CCDC141: variants seen among roughly 807,000 people sequenced by gnomAD.
CCDC141 encodes coiled-coil domain containing 141.
In CCDC141, 168 loss-of-function variants were observed where a neutral mutation model predicts 181.0. That is an observed-to-expected ratio of 0.93 (90% CI 0.82 to 1.05). The LOEUF (loss-of-function observed/expected upper bound fraction) is 1.05, where lower values mean the gene tolerates loss of function less well. Ranked by LOEUF, CCDC141 falls within the 50% of genes least tolerant of loss-of-function variation. The pLI, the probability that CCDC141 is intolerant of heterozygous loss-of-function variation, is 0.00. For missense variants in CCDC141, 1,902 were observed against 1,788.5 expected (o/e 1.06, Z -1.14); for synonymous variants, 666 against 642.3 (o/e 1.04, Z -0.56).
chr2:178,901,164 C>T (rs905365246), intron 8 of CCDC141, among the ~76,000 whole-genome samples: 11 of 151,932 alleles, frequency 7.2e-5, no homozygotes, highest in Non-Finnish European at 1.0e-4. Flanking sequence ...TCTCCCCATG[C>T]GTGGCCAGAG....
At chr2:178,990,098 C>T (rs982136238) in intron 2 of CCDC141, among the ~76,000 whole-genome samples, 1 of 146,406 alleles carries the variant, frequency 6.8e-6, no homozygotes. Flanking sequence ...GAGATTGCAC[C>T]GTTGCACTCA....
intron 4 of CCDC141, among the ~76,000 whole-genome samples, chr2:178,969,603 T>G (rs1448362202): frequency 1.3e-5 from 2 of 152,112 alleles, no homozygotes; most frequent in African/African-American, 2.4e-5. Context: ...CTCAATAAAC[T>G]AGGTATCAAT....
chr2:179,027,497 T>A (rs2042880934), intron 2 of CCDC141, among the ~76,000 whole-genome samples: 1 of 151,180 alleles, frequency 6.6e-6, no homozygotes, highest in Admixed American at 6.6e-5. Context: ...ACAAAAAAAA[T>A]AGCTGGGCAT....
the CCDC141 span, among the ~76,000 whole-genome samples, chr2:178,815,545 TG>T: frequency 0.015 from 2,294 of 152,296 alleles, 61 homozygotes; most frequent in African/African-American, 0.052. Flanking sequence ...GATTGTGATT[TG>T]GGGACACTTG....
At chr2:178,817,546 C>T in the CCDC141 span, 1 of 471,066 alleles carries the variant, frequency 2.1e-6, no homozygotes, top group Non-Finnish European at 4.4e-6. Context: ...CCAGGTACCA[C>T]TTAGAAGTCA....
chr2:178,900,472 G>A (rs1223391673), intron 8 of CCDC141, among the ~76,000 whole-genome samples: 2 of 152,068 alleles, frequency 1.3e-5, no homozygotes, highest in Non-Finnish European at 2.9e-5. Flanking sequence ...TCCTGTTTAT[G>A]AAATGAAGAT....
chr2:178,932,565 A>C (rs1455979407), intron 6 of CCDC141, among the ~76,000 whole-genome samples: 1 of 152,226 alleles, frequency 6.6e-6, no homozygotes, highest in Non-Finnish European at 1.5e-5. Context: ...TAATTGGAAA[A>C]AAATCATTGA....
At chr2:179,044,709 T>G (rs1385670361) in intron 2 of CCDC141, among the ~76,000 whole-genome samples, 2 of 152,164 alleles carry the variant, frequency 1.3e-5, no homozygotes, top group Non-Finnish European at 2.9e-5. Flanking sequence ...GCAGAAACAG[T>G]TGGCAGGTGC....
At chr2:178,930,386 G>T (rs923548888) in intron 6 of CCDC141, among the ~76,000 whole-genome samples, 3 of 152,094 alleles carry the variant, frequency 2.0e-5, no homozygotes, top group African/African-American at 7.2e-5. Flanking sequence ...ACTCCCCAAA[G>T]TACTGTAGGG....
intron 2 of CCDC141, among the ~76,000 whole-genome samples, chr2:179,037,266 G>A (rs1490619834): frequency 6.6e-6 from 1 of 152,174 alleles, no homozygotes; most frequent in African/African-American, 2.4e-5. Flanking sequence ...AGATATAAGT[G>A]GAAACATCTT....
chr2:178,856,178 A>G, intron 18 of CCDC141, 79 bp downstream of exon 18: 1 of 1,310,024 alleles, frequency 7.6e-7, no homozygotes. Flanking sequence ...TCTAGATTTG[A>G]AATTCAAAAC....
intron 2 of CCDC141, among the ~76,000 whole-genome samples, chr2:179,003,356 G>A (rs1315051278): frequency 6.6e-6 from 1 of 152,104 alleles, no homozygotes; most frequent in African/African-American, 2.4e-5. Context: ...ACCAGACCCT[G>A]GAGTCCACAT....
At chr2:178,909,639 T>C (rs1332545818) in intron 7 of CCDC141, among the ~76,000 whole-genome samples, 1 of 152,188 alleles carries the variant, frequency 6.6e-6, no homozygotes, top group Non-Finnish European at 1.5e-5. Flanking sequence ...CCAGAAATGA[T>C]CTAAGTATCA....
intron 4 of CCDC141, among the ~76,000 whole-genome samples, chr2:178,970,260 G>T (rs904499930): frequency 6.6e-6 from 1 of 152,088 alleles, no homozygotes; most frequent in Non-Finnish European, 1.5e-5. Context: ...TCACAGAATT[G>T]GAAAAACTAC....
At chr2:178,835,468 C>A (rs952367953) in intron 23 of CCDC141, among the ~76,000 whole-genome samples, 2 of 152,148 alleles carry the variant, frequency 1.3e-5, no homozygotes, top group Non-Finnish European at 2.9e-5. Context: ...TTTATTTCTA[C>A]CCACAATCTA....
chr2:178,978,493 AT>A lies in CCDC141; in HGVS notation c.407del (p.Asn136MetfsTer3). Reference sequence around the variant, plus strand: ...TTTTTAAAGTACAAACCTCTAAGGCATTTTCAAAAAATTCAGAAGTCAACCT... The same window carrying A: ...TTTTTAAAGTACAAACCTCTAAGGCATTTCAAAAAATTCAGAAGTCAACCT... ...LLRLTSEFFENALEFAIKIDQ... is the reference protein window; with the variant it reads ...LLRLTSEFFEXALEFAIKIDQ... On this transcript the variant is annotated frameshift_variant, in exon 3 of 24. Transcript: ENST00000443758. LOFTEE classifies it high-confidence loss of function. 6.7e-7 allele frequency: 1 copy of A among 1,499,344 alleles called. No individual in the cohort carries two copies. Among genetic ancestry groups the A allele is most frequent in the Non-Finnish European group, 8.9e-7 (1 of 1,122,930 alleles). 92.9% of individuals were successfully genotyped at this position (1,499,344 alleles called of 1,614,324 possible). A position where few individuals can be genotyped will look rare whatever the true frequency, so the allele number is the denominator to read the frequency against.
intron 4 of CCDC141, among the ~76,000 whole-genome samples, chr2:178,967,417 G>A (rs536044127): frequency 1.3e-5 from 2 of 152,304 alleles, no homozygotes; most frequent in East Asian, 1.9e-4. Context: ...AAAGCCAGAA[G>A]AGAGTGGGGG....
At chr2:179,026,330 A>G (rs1575363203) in intron 2 of CCDC141, among the ~76,000 whole-genome samples, 2 of 151,794 alleles carry the variant, frequency 1.3e-5, no homozygotes, top group Admixed American at 6.6e-5. Flanking sequence ...CATCCCAACC[A>G]CTCTAGCCAT....
At chr2:178,960,528 A>G (rs1299381372) in intron 5 of CCDC141, among the ~76,000 whole-genome samples, 1 of 152,222 alleles carries the variant, frequency 6.6e-6, no homozygotes. Flanking sequence ...TAAACATGGA[A>G]TTAAGACAAT....
Sources: gnomAD v4.1 joint callset for allele counts (sites outside exome capture counted in the v4.1 genomes callset) on GRCh38, gnomAD v4.1.1 for gene constraint, MANE v1.5 for transcripts, NCBI Gene and HGNC (gene_info 2026-07-23, HGNC 2026-07-21) for gene names.